Variants in TERT observed in about 807,000 individuals in gnomAD.
The protein encoded by TERT is telomerase reverse transcriptase.
Under a neutral mutation model 104.0 loss-of-function variants are expected in TERT, and 42 were observed. The observed-to-expected ratio is 0.40, with a 90% CI of 0.32 to 0.52. The LOEUF (loss-of-function observed/expected upper bound fraction) is 0.52, where lower values mean the gene tolerates loss of function less well. TERT is among the 20% of genes least tolerant of loss of function. The probability of loss-of-function intolerance (pLI) is 0.43; values close to 1 mark genes in which losing one functional copy is unlikely to be tolerated. For missense variants in TERT, 1,101 were observed against 1,610.3 expected (o/e 0.68, Z 5.41); for synonymous variants, 781 against 725.6 (o/e 1.08, Z -1.23).
chr5:1,284,102 T>G, intron 2 of TERT, among the ~76,000 whole-genome samples: 1 of 109,776 alleles, frequency 9.1e-6, no homozygotes, highest in Non-Finnish European at 1.9e-5. Context: ...CGGACCTGCA[T>G]CATCCGGACT....
At chr5:1,260,656 C>T in intron 11 of TERT, 56 bp from the exon 12 acceptor site, 7 of 1,608,480 alleles carry the variant, frequency 4.4e-6, no homozygotes, top group Non-Finnish European at 5.1e-6. Context: ...CCAGCCCCCT[C>T]CTGCAAAGCT....
At position 1,294,475 on chromosome 5, in the gene TERT, C is replaced by A. The variant is rs1554043076; in HGVS notation, c.411G>T (p.Trp137Cys). 6.3e-7 allele frequency: 1 copy of A among 1,590,178 alleles called. No homozygotes were observed. Residue 137 changes from tryptophan to cysteine, a missense_variant, in exon 2 of 16, where the codon TGG becomes TGT. Physicochemically the swap from Trp to Cys is radical, Grantham distance 215. Transcript: ENST00000310581. ...VTDALRGSGA[W>C]GLLLRRVGDD... ...CGCCCACGCGGCGCAGCAGCAGCCC[C>A]CACGCCCCGCTCCCCCGCAGTGCGT...
rs904070760 is a variant in TERT at position 1,269,345 on chromosome 5, C to T, written c.2469-712G>A. 1.3e-5 allele frequency among the ~76,000 whole-genome samples: 2 copies of T among 152,148 alleles called. No homozygotes were observed. The highest frequency in any genetic ancestry group is 4.8e-5 in the African/African-American group (2 of 41,426). ...GGCTTTCCGGCTGGGCGTGATGGCT[C>T]ACACCTGTAATCCCAGCACTTTGGG... On this transcript the variant is annotated intron_variant, in intron 8 of 15. Transcript: ENST00000310581. The surrounding 1 kb of genome is among the most constrained non-coding windows in gnomAD (Gnocchi z 9.0).
Position 1,263,974 on chromosome 5 carries a change from G to A in TERT, c.2843+430C>T, listed in dbSNP as rs978905267. 1.3e-5 allele frequency among the ~76,000 whole-genome samples: 2 copies of A among 151,974 alleles called. No individual in the cohort carries two copies. The highest frequency in any genetic ancestry group is 2.4e-5 in the African/African-American group (1 of 41,282). On this transcript the variant is annotated intron_variant, in intron 11 of 15. Coordinates refer to ENST00000310581, the MANE Select transcript of TERT (RefSeq NM_198253.3). This position sits in a 1 kb window ranked among gnomAD's most constrained non-coding sequence, Gnocchi z 5.3. ...ACAGCGGAGAGACTCACGCCCAAAA[G>A]GGCCCTGAAGTCTCTGGGTTCGGAG...
intron 2 of TERT, among the ~76,000 whole-genome samples, chr5:1,291,713 A>C (rs1188623164): frequency 2.0e-5 from 3 of 149,746 alleles, no homozygotes; most frequent in Non-Finnish European, 4.5e-5. Flanking sequence ...TACACGTGAC[A>C]GGGACACCTG....
intron 6 of TERT, among the ~76,000 whole-genome samples, chr5:1,275,288 T>C (rs1749475057): frequency 6.7e-6 from 1 of 150,134 alleles, no homozygotes; most frequent in Non-Finnish European, 1.5e-5. Flanking sequence ...GCAAGAGAAT[T>C]GCTTGAACTC....
chr5:1,283,030 G>T, intron 2 of TERT: 1 of 326,022 alleles, frequency 3.1e-6, no homozygotes, highest in Middle Eastern at 1.2e-3. Flanking sequence ...CCAGCTCACC[G>T]CAGGGCCTGG....
rs374834138 is a variant in TERT, at chr5:1,253,719, G to T, written c.*9C>A. 12 of 1,604,694 alleles carry T rather than the reference G, an allele frequency of 7.5e-6. No homozygotes were observed. The highest frequency in any genetic ancestry group is 9.4e-6 in the Non-Finnish European group (11 of 1,175,144). ...GTCTGCTCTCGGCCTGGCTGTGGGC[G>T]GGTGGCCATCAGTCCAGGATGGTCT... On this transcript the variant is annotated 3_prime_UTR_variant, in exon 16 of 16. Coordinates refer to ENST00000310581, the MANE Select transcript of TERT (RefSeq NM_198253.3).
intron 2 of TERT, among the ~76,000 whole-genome samples, chr5:1,283,456 GC>G (rs1265803576): frequency 7.7e-6 from 1 of 130,540 alleles, no homozygotes; most frequent in African/African-American, 2.9e-5. Context: ...CCAGCTAACC[GC>G]AGGGCCTGGT....
chr5:1,274,496 G>C lies in TERT; in HGVS notation c.2287-2216C>G, dbSNP rs1579569091. Among the ~76,000 whole-genome samples, 1 of 152,222 alleles carries C rather than the reference G, an allele frequency of 6.6e-6. No individual in the cohort carries two copies. Among genetic ancestry groups the C allele is most frequent in the East Asian group, 1.9e-4 (1 of 5,202 alleles). On this transcript the variant is annotated intron_variant, in intron 6 of 15. Coordinates refer to ENST00000310581, the MANE Select transcript of TERT (RefSeq NM_198253.3). The surrounding 1 kb of genome is among the most constrained non-coding windows in gnomAD (Gnocchi z 5.3). ...ACGATTTTTCCACAGGACAGCAGTGGGGAAGGGGATGGTTTTGGGAGCAAA... is the reference window on the plus strand; with the variant it reads ...ACGATTTTTCCACAGGACAGCAGTGCGGAAGGGGATGGTTTTGGGAGCAAA...
chr5:1,291,267 A>C (rs1461167963), intron 2 of TERT, among the ~76,000 whole-genome samples: 11 of 74,058 alleles, frequency 1.5e-4, no homozygotes, highest in Admixed American at 4.0e-4. Context: ...ACCCGGGGAC[A>C]GCGCCTCACT....
In TERT at chr5:1,280,333, T is replaced by C. The variant is rs2126644777; in HGVS notation, c.1775A>G (p.His592Arg). The change falls in exon 4 of 16, where the codon CAC becomes CGC. Residue 592 changes from histidine (H) to arginine (R), a missense_variant. Physicochemically the swap from His to Arg is conservative, Grantham distance 29 (BLOSUM62 0). Coordinates refer to ENST00000310581, the MANE Select transcript of TERT (RefSeq NM_198253.3). Reference protein sequence around the residue: ...SKLQSIGIRQHLKRVQLRELS... With the variant: ...SKLQSIGIRQRLKRVQLRELS... ...CTCCCGCAGCTGCACCCTCTTCAAG[T>C]GCTGTCTGCAATAGAGAGCCCCTCA... The C allele has an allele frequency of 6.2e-7, 1 of 1,613,014 alleles. No homozygotes were observed. The highest frequency in any genetic ancestry group is 8.5e-7 in the Non-Finnish European group (1 of 1,180,000).
In TERT at chr5:1,288,875, G is replaced by A. The variant is rs1388578463; in HGVS notation, c.1573+4438C>T. On this transcript the variant is annotated intron_variant, in intron 2 of 15. Coordinates refer to ENST00000310581, the MANE Select transcript of TERT (RefSeq NM_198253.3). The surrounding 1 kb of genome is among the most constrained non-coding windows in gnomAD (Gnocchi z 5.3). Reference sequence around the variant, plus strand: ...GGCTGCAGTGCCTGGCACGCGGGAGGCGAGAGCCTGCAGTCCCGTGTCCCC... The same window carrying A: ...GGCTGCAGTGCCTGGCACGCGGGAGACGAGAGCCTGCAGTCCCGTGTCCCC... 2.0e-5 allele frequency among the ~76,000 whole-genome samples: 3 copies of A among 152,210 alleles called. No individual in the cohort carries two copies. Among genetic ancestry groups the A allele is most frequent in the Non-Finnish European group, 4.4e-5 (3 of 68,032 alleles).
At position 1,279,497 on chromosome 5, in the gene TERT, C is replaced by T. The variant is rs371492500; in HGVS notation, c.1951-27G>A. On this transcript the variant is annotated intron_variant, in intron 4 of 15. Transcript: ENST00000310581. The stretch of plus-strand genomic sequence containing the variant: ...TGGCGGGGACAGCATGGGAGACAGT[C>T]AGGAAAGTGGATCCGGCCAAGTGCC... 1.6e-3 allele frequency: 2,443 copies of T among 1,547,814 alleles called. 4 individuals are homozygous for T. The highest frequency in any genetic ancestry group is 2.0e-3 in the Non-Finnish European group (2,323 of 1,146,678).
intron 2 of TERT, among the ~76,000 whole-genome samples, chr5:1,283,305 C>A (rs1176875495): frequency 1.5e-5 from 2 of 132,314 alleles, no homozygotes; most frequent in East Asian, 2.4e-4. Flanking sequence ...CAGACCTGCA[C>A]CATCCGGATA....
rs1394533122 is a variant in TERT at position 1,261,509 on chromosome 5, T to C, written c.2844-909A>G. 1.3e-5 allele frequency among the ~76,000 whole-genome samples: 2 copies of C among 152,216 alleles called. No homozygotes were observed. Among genetic ancestry groups the C allele is most frequent in the Non-Finnish European group, 2.9e-5 (2 of 68,034 alleles). On this transcript the variant is annotated intron_variant, in intron 11 of 15. Coordinates refer to ENST00000310581, the MANE Select transcript of TERT (RefSeq NM_198253.3). The surrounding 1 kb of genome is among the most constrained non-coding windows in gnomAD (Gnocchi z 7.4). ...GAGGACTTCCATGCAAACAAGCTGCTTTCCAGAAAAGTCTTTCCAGCTTGC... is the reference window on the plus strand; with the variant it reads ...GAGGACTTCCATGCAAACAAGCTGCCTTCCAGAAAAGTCTTTCCAGCTTGC...
chr5:1,258,829 A>T (rs1747948118), intron 12 of TERT, among the ~76,000 whole-genome samples, 170 bp from the exon 13 acceptor site: 1 of 152,238 alleles, frequency 6.6e-6, no homozygotes, highest in Admixed American at 6.5e-5. Context: ...GCAGCTGCGA[A>T]CCACCCTGGG....
intron 12 of TERT, 146 bp from the exon 13 acceptor site, chr5:1,258,805 C>G: frequency 1.2e-6 from 1 of 806,860 alleles, no homozygotes; most frequent in East Asian, 2.7e-5. Context: ...GAAATCCGGC[C>G]TGGCCCTCAC....
intron 2 of TERT, 89 bp downstream of exon 2, chr5:1,293,224 G>T: frequency 6.5e-7 from 1 of 1,532,254 alleles, no homozygotes; most frequent in Non-Finnish European, 8.9e-7. Context: ...ATGGAGACAG[G>T]AGGACCAGGG....
Sources: gnomAD v4.1 joint callset for allele counts (sites outside exome capture counted in the v4.1 genomes callset) on GRCh38, gnomAD v4.1.1 for gene constraint, Gnocchi (gnomAD v3.1) non-coding constraint, MANE v1.5 for transcripts, NCBI Gene and HGNC (gene_info 2026-07-23, HGNC 2026-07-21) for gene names.